NNT: variants seen among roughly 807,000 people sequenced by gnomAD.
The protein encoded by NNT is NAD(P) transhydrogenase, mitochondrial.
In NNT, 50 loss-of-function variants were observed where a neutral mutation model predicts 104.8. That is an observed-to-expected ratio of 0.48 (90% CI 0.38 to 0.60). The LOEUF (loss-of-function observed/expected upper bound fraction) is 0.60, where lower values mean the gene tolerates loss of function less well. Ranked by LOEUF, NNT falls within the 20% of genes least tolerant of loss-of-function variation. The pLI is 0.00. For synonymous variants in NNT, 461 were observed against 490.4 expected (o/e 0.94, Z 0.79); for missense variants, 1,131 against 1,330.7 (o/e 0.85, Z 2.33).
At chr5:43,699,724 T>G (rs920318784) in intron 19 of NNT, among the ~76,000 whole-genome samples, 27 of 152,216 alleles carry the variant, frequency 1.8e-4, no homozygotes, top group African/African-American at 6.5e-4. Flanking sequence ...AATGTTGATT[T>G]TTCGTGGGAA....
At chr5:43,667,756 G>A (rs1361445288) in intron 17 of NNT, among the ~76,000 whole-genome samples, 1 of 152,190 alleles carries the variant, frequency 6.6e-6, no homozygotes, top group African/African-American at 2.4e-5. Context: ...ATAGCAGCAT[G>A]ATTTATAATC....
chr5:43,602,768 G>A (rs1225128886), upstream of NNT: 1 of 152,340 alleles, frequency 6.6e-6, no homozygotes, highest in Non-Finnish European at 1.5e-5. Context: ...CCGGAGTGGA[G>A]TTATATTACC....
chr5:43,623,151 C>G (rs1182427661), intron 5 of NNT, among the ~76,000 whole-genome samples: 3 of 152,146 alleles, frequency 2.0e-5, no homozygotes, highest in African/African-American at 7.2e-5. Flanking sequence ...CCAGAGCTCA[C>G]TGGAGCACAG....
chr5:43,617,064 A>G (rs1381642849), intron 4 of NNT, among the ~76,000 whole-genome samples: 1 of 152,222 alleles, frequency 6.6e-6, no homozygotes, highest in African/African-American at 2.4e-5. Flanking sequence ...GAAATATGTC[A>G]TAGATTCTAC....
chr5:43,695,903 A>C (rs1272459365), intron 19 of NNT, among the ~76,000 whole-genome samples: 1 of 152,136 alleles, frequency 6.6e-6, no homozygotes, highest in Non-Finnish European at 1.5e-5. Flanking sequence ...CACAGAAAAG[A>C]CCTGCCCCCA....
At chr5:43,649,394 G>A in intron 11 of NNT, 86 bp downstream of exon 11, 1 of 1,465,120 alleles carries the variant, frequency 6.8e-7, no homozygotes. Flanking sequence ...TTTATAAAGT[G>A]TGTTTTCAAG....
chr5:43,704,203 G>A, intron 21 of NNT, 52 bp from the exon 22 acceptor site: 4 of 1,486,652 alleles, frequency 2.7e-6, no homozygotes, highest in Non-Finnish European at 3.6e-6. Flanking sequence ...TGCCTAACAT[G>A]TCCTAGGTTG....
At chr5:43,682,476 G>T (rs1165227100) in intron 19 of NNT, among the ~76,000 whole-genome samples, 1 of 152,128 alleles carries the variant, frequency 6.6e-6, no homozygotes, top group Non-Finnish European at 1.5e-5. Flanking sequence ...TTCCCAGAGT[G>T]CTGGGATTAC....
intron 7 of NNT, among the ~76,000 whole-genome samples, chr5:43,642,401 T>C (rs1333950372): frequency 2.6e-5 from 4 of 152,226 alleles, no homozygotes; most frequent in African/African-American, 9.6e-5. Flanking sequence ...TTGAGTAAAG[T>C]TTAGTTAAGT....
chr5:43,664,226 A>G (rs1482065062), intron 17 of NNT, among the ~76,000 whole-genome samples: 1 of 152,208 alleles, frequency 6.6e-6, no homozygotes, highest in Non-Finnish European at 1.5e-5. Context: ...TATCATATAG[A>G]CATTAACCTC....
intron 14 of NNT, among the ~76,000 whole-genome samples, 199 bp from the exon 15 acceptor site, chr5:43,655,641 A>G (rs1208393542): frequency 3.3e-5 from 5 of 152,178 alleles, no homozygotes; most frequent in Non-Finnish European, 7.3e-5. Context: ...TCCCAAGCAT[A>G]TCAGATAAGG....
chr5:43,631,591 C>G (rs528114323), intron 7 of NNT, among the ~76,000 whole-genome samples: 1 of 152,270 alleles, frequency 6.6e-6, no homozygotes, highest in South Asian at 2.1e-4. Context: ...TCAACTCATA[C>G]TCTAAAGAGC....
At chr5:43,651,599 C>A in intron 12 of NNT, 140 bp from the exon 13 acceptor site, 1 of 955,884 alleles carries the variant, frequency 1.0e-6, no homozygotes, top group Non-Finnish European at 1.5e-6. Context: ...TTTGAGGTTG[C>A]AAAATGTTAC....
intron 7 of NNT, among the ~76,000 whole-genome samples, chr5:43,633,449 C>A (rs1041136612): frequency 1.3e-5 from 2 of 152,164 alleles, no homozygotes; most frequent in Admixed American, 6.5e-5. Context: ...CTATCCTTGC[C>A]CTTCCCTGCT....
intron 5 of NNT, among the ~76,000 whole-genome samples, chr5:43,619,347 C>T (rs1411570778): frequency 6.6e-6 from 1 of 151,928 alleles, no homozygotes; most frequent in Admixed American, 6.6e-5. Flanking sequence ...TTTGACTTTA[C>T]TAATTTGAAT....
chr5:43,606,449 T>G (rs1749230401), intron 1 of NNT, among the ~76,000 whole-genome samples: 1 of 152,252 alleles, frequency 6.6e-6, no homozygotes, highest in Non-Finnish European at 1.5e-5. Flanking sequence ...ACTCTAGATG[T>G]GACCCATGAA....
Position 43,674,675 on chromosome 5 carries a change from GT to G in NNT, c.2635-828del, listed in dbSNP as rs201977599. Among the ~76,000 whole-genome samples the G allele has an allele frequency of 1.6e-3, 244 of 152,074 alleles. 1 individual carries two copies. The highest frequency in any genetic ancestry group is 5.4e-3 in the African/African-American group (222 of 41,486). On this transcript the variant is annotated intron_variant, in intron 17 of 21. Coordinates refer to ENST00000344920, the MANE Select transcript of NNT (RefSeq NM_182977.3). ...TGCATTTGATTACTCAGAACAACTAGTTTTTTTTCCCCTTTCTTTTACTACC... is the reference window on the plus strand; with the variant it reads ...TGCATTTGATTACTCAGAACAACTAGTTTTTTTCCCCTTTCTTTTACTACC...
chr5:43,660,943 T>A (rs1740322571), intron 17 of NNT, among the ~76,000 whole-genome samples: 1 of 152,204 alleles, frequency 6.6e-6, no homozygotes, highest in African/African-American at 2.4e-5. Flanking sequence ...TCTTTTATTA[T>A]AATATTTTAA....
At chr5:43,604,223 G>C (rs1296602721) in intron 1 of NNT, among the ~76,000 whole-genome samples, 1 of 152,282 alleles carries the variant, frequency 6.6e-6, no homozygotes, top group East Asian at 1.9e-4. Flanking sequence ...CTGTGGCGCC[G>C]GCCAGTCCTT....
Sources: gnomAD v4.1 joint callset for allele counts (sites outside exome capture counted in the v4.1 genomes callset) on GRCh38, gnomAD v4.1.1 for gene constraint, MANE v1.5 for transcripts, NCBI Gene and HGNC (gene_info 2026-07-23, HGNC 2026-07-21) for gene names.